PTBP3: variants seen among roughly 807,000 people sequenced by gnomAD.
The protein encoded by PTBP3 is polypyrimidine tract-binding protein 3.
In PTBP3, 20 loss-of-function variants were observed where a neutral mutation model predicts 58.7. The observed-to-expected ratio is 0.34, with a 90% CI of 0.24 to 0.50. PTBP3 has a LOEUF of 0.50. Among genes scored for constraint, PTBP3 ranks in the 20% least tolerant of loss-of-function variants. The pLI is 0.98. For missense variants in PTBP3, 509 were observed against 637.2 expected (o/e 0.80, Z 2.17); for synonymous variants, 185 against 219.8 (o/e 0.84, Z 1.40).
At chr9:112,239,558 C>G (rs576085908) in intron 7 of PTBP3, among the ~76,000 whole-genome samples, 1 of 151,634 alleles carries the variant, frequency 6.6e-6, no homozygotes, top group African/African-American at 2.4e-5. Flanking sequence ...AGTGAGACCC[C>G]GCCTCTCTAT....
chr9:112,345,427 G>C, the PTBP3 span, among the ~76,000 whole-genome samples: 2 of 145,092 alleles, frequency 1.4e-5, no homozygotes, highest in African/African-American at 5.1e-5. Flanking sequence ...CCAGGCTGGA[G>C]TGCAGTGGAG....
rs1419302443 is a variant in PTBP3 at position 112,220,807 on chromosome 9, C to T, written c.*3044G>A. On this transcript the variant is annotated 3_prime_UTR_variant, in exon 14 of 14. Transcript: ENST00000374257. ...ATGTGTACTGCTATTTTTTAAAGTC[C>T]TGAATATATATACTTTGTGTAGAAG... The T allele has an allele frequency of 1.0e-6, 1 of 977,126 alleles. No individual in the cohort carries two copies. Among genetic ancestry groups the T allele is most frequent in the African/African-American group, 1.8e-5 (1 of 56,930 alleles). The allele number at this position is 977,126 out of a possible 1,614,324, so 60.5% of individuals were successfully genotyped here.
chr9:112,332,920 G>C (rs1830437015), intron 1 of PTBP3: 5 of 1,557,336 alleles, frequency 3.2e-6, no homozygotes, highest in South Asian at 1.2e-5. Context: ...CCTCGGCCAA[G>C]TCCCGCGGCG....
At chr9:112,308,351 T>TAA (rs58071863) in intron 1 of PTBP3, among the ~76,000 whole-genome samples, 15 of 135,136 alleles carry the variant, frequency 1.1e-4, no homozygotes, top group Admixed American at 5.2e-4. Flanking sequence ...TCCTTTTATT[T>TAA]AAAAAAAAAA....
rs1836643579 is a variant in PTBP3 at position 112,262,585 on chromosome 9, T to C, written c.366A>G (p.Ala122=). The C allele has an allele frequency of 1.9e-6, 3 of 1,601,834 alleles. No homozygotes were observed. Among genetic ancestry groups the C allele is most frequent in the African/African-American group, 2.7e-5 (2 of 74,256 alleles). The change falls in exon 5 of 14, where the codon GCA becomes GCG. Residue 122 remains alanine (A), a synonymous_variant. Coordinates refer to ENST00000374257, the MANE Select transcript of PTBP3 (RefSeq NM_001163788.4). The part of the protein sequence containing the change: ...NLPNQARAQA[A]LQAVSAVQSG... ...ATTGGACGGCACTGACAGCCTGCAG[T>C]GCAGCTTGGGCTCGCTATAGAACAA...
chr9:112,240,830 T>C (rs181663716), intron 7 of PTBP3, among the ~76,000 whole-genome samples: 1 of 152,084 alleles, frequency 6.6e-6, no homozygotes, highest in Non-Finnish European at 1.5e-5. Flanking sequence ...ATCCTGACCT[T>C]GTGTAGGCCT....
intron 2 of PTBP3, among the ~76,000 whole-genome samples, chr9:112,287,009 C>A (rs1271240323): frequency 1.3e-5 from 2 of 151,916 alleles, no homozygotes; most frequent in Non-Finnish European, 2.9e-5. Context: ...GAAAAGTGGT[C>A]CCCCCTCATC....
At chr9:112,346,770 A>G in the PTBP3 span, among the ~76,000 whole-genome samples, 52,864 of 151,898 alleles carry the variant, frequency 0.35, 9,402 homozygotes, top group South Asian at 0.44. Context: ...TTGATCTGTC[A>G]CCCAGGCTGG....
chr9:112,227,130 C>A (rs1334689389), intron 12 of PTBP3, among the ~76,000 whole-genome samples: 1 of 152,186 alleles, frequency 6.6e-6, no homozygotes, highest in Non-Finnish European at 1.5e-5. Context: ...CAATGGAATA[C>A]TTCTGCCTAG....
At chr9:112,250,835 C>T (rs1836081728) in intron 7 of PTBP3, 94 bp downstream of exon 7, 3 of 1,198,874 alleles carry the variant, frequency 2.5e-6, no homozygotes, top group Admixed American at 3.0e-5. Flanking sequence ...TGAGAGAACT[C>T]GAGAAGAAAA....
At chr9:112,370,014 C>T in the PTBP3 span, among the ~76,000 whole-genome samples, 2 of 152,310 alleles carry the variant, frequency 1.3e-5, no homozygotes, top group Non-Finnish European at 1.5e-5. Flanking sequence ...TTTTGCTCCT[C>T]CTTTGCCTTC....
chr9:112,357,331 G>GTGTTGT, the PTBP3 span, among the ~76,000 whole-genome samples: 2 of 151,838 alleles, frequency 1.3e-5, no homozygotes, highest in African/African-American at 2.4e-5. Flanking sequence ...TGTTCTTTTT[G>GTGTTGT]TGTTGTTGTT....
At chr9:112,305,399 T>C (rs1237409064) in intron 1 of PTBP3, among the ~76,000 whole-genome samples, 50 of 152,080 alleles carry the variant, frequency 3.3e-4, no homozygotes. Flanking sequence ...GAAACTAGAC[T>C]GAAATCAGCC....
At chr9:112,277,144 C>A (rs1283516957) in intron 2 of PTBP3, among the ~76,000 whole-genome samples, 1 of 152,120 alleles carries the variant, frequency 6.6e-6, no homozygotes, top group Non-Finnish European at 1.5e-5. Context: ...TTGTTTACAA[C>A]TAGATAGGTT....
At chr9:112,266,994 G>A (rs1365147400) in intron 4 of PTBP3, among the ~76,000 whole-genome samples, 2 of 152,064 alleles carry the variant, frequency 1.3e-5, no homozygotes, top group East Asian at 3.8e-4. Context: ...AATAAGTTAA[G>A]GATTATATGC....
the PTBP3 span, among the ~76,000 whole-genome samples, chr9:112,343,211 A>AT: frequency 4.5e-5 from 2 of 44,444 alleles, no homozygotes; most frequent in Non-Finnish European, 7.4e-5. Flanking sequence ...CACTCTGAAC[A>AT]ATTTTTTTTT....
chr9:112,270,156 G>T (rs1038930875), intron 3 of PTBP3, among the ~76,000 whole-genome samples: 2 of 151,956 alleles, frequency 1.3e-5, no homozygotes, highest in Non-Finnish European at 2.9e-5. Context: ...CATGAAGGCT[G>T]GTCTTGAACT....
intron 2 of PTBP3, among the ~76,000 whole-genome samples, chr9:112,289,172 GTTCTT>G (rs1221206357): frequency 6.6e-6 from 1 of 152,270 alleles, no homozygotes; most frequent in Admixed American, 6.5e-5. Context: ...GAGGGGGTAT[GTTCTT>G]TTCTTTTCTC....
At chr9:112,246,793 A>C (rs1331534973) in intron 7 of PTBP3, among the ~76,000 whole-genome samples, 2 of 152,210 alleles carry the variant, frequency 1.3e-5, no homozygotes, top group Non-Finnish European at 2.9e-5. Flanking sequence ...AAGAATAGTA[A>C]CATTACAGGG....
Sources: gnomAD v4.1 joint callset for allele counts (sites outside exome capture counted in the v4.1 genomes callset) on GRCh38, gnomAD v4.1.1 for gene constraint, MANE v1.5 for transcripts, NCBI Gene and HGNC (gene_info 2026-07-23, HGNC 2026-07-21) for gene names.